SMYD3: variants seen among roughly 807,000 people sequenced by gnomAD.
The protein encoded by SMYD3 is histone-lysine N-methyltransferase SMYD3.
SMYD3 carries 36 observed loss-of-function variants against 57.7 expected under a neutral mutation model. That is an observed-to-expected ratio of 0.62 (90% CI 0.48 to 0.82). The LOEUF (loss-of-function observed/expected upper bound fraction) is 0.82. Ranked by LOEUF, SMYD3 falls within the 40% of genes least tolerant of loss-of-function variation. The pLI is 0.00. For missense variants in SMYD3, 515 were observed against 538.8 expected (o/e 0.96, Z 0.44); for synonymous variants, 211 against 195.0 (o/e 1.08, Z -0.68).
intron 5 of SMYD3, among the ~76,000 whole-genome samples, chr1:246,103,480 C>T (rs2061056552): frequency 6.6e-6 from 1 of 151,972 alleles, no homozygotes; most frequent in African/African-American, 2.4e-5. Flanking sequence ...CCTGGCCCCC[C>T]ATCTCTTCCC....
At chr1:245,763,186 A>T (rs543804347) in intron 11 of SMYD3, among the ~76,000 whole-genome samples, 22 of 152,308 alleles carry the variant, frequency 1.4e-4, no homozygotes, top group Admixed American at 5.2e-4. Flanking sequence ...CCAGAACCGT[A>T]TTCACTGACC....
chr1:246,281,219 G>A (rs561587861), intron 5 of SMYD3, among the ~76,000 whole-genome samples: 3 of 152,326 alleles, frequency 2.0e-5, no homozygotes, highest in East Asian at 3.9e-4. Context: ...CATTCAGCCC[G>A]TGGTAGAGCC....
intron 5 of SMYD3, among the ~76,000 whole-genome samples, chr1:246,018,722 C>T (rs187420981): frequency 6.6e-6 from 1 of 151,670 alleles, no homozygotes; most frequent in African/African-American, 2.4e-5. Context: ...CTTCCTGCCA[C>T]AGCCTCCCAA....
chr1:246,243,949 T>G (rs2063659391), intron 5 of SMYD3, among the ~76,000 whole-genome samples: 1 of 150,778 alleles, frequency 6.6e-6, no homozygotes, highest in Non-Finnish European at 1.5e-5. Flanking sequence ...GTGGCAAATG[T>G]CTATAGTCCC....
In SMYD3 at chr1:245,761,474, G is replaced by A. The variant is rs577436540; in HGVS notation, c.1185+2567C>T. 1.9e-4 allele frequency among the ~76,000 whole-genome samples: 29 copies of A among 152,308 alleles called. 1 individual carries two copies. In the South Asian group the frequency reaches 5.0e-3, roughly 26 times the overall value. ...CATAGCGAGATGTCTGTCTGGGTTT[G>A]TTCAGGCTTGTCCTTATAGTTGAGG... On this transcript the variant is annotated intron_variant, in intron 11 of 11. Transcript: ENST00000490107.
chr1:246,053,482 T>C (rs1285252956), intron 5 of SMYD3, among the ~76,000 whole-genome samples: 1 of 151,986 alleles, frequency 6.6e-6, no homozygotes, highest in Non-Finnish European at 1.5e-5. Context: ...AAGGATAGAA[T>C]AGTGAGTCCA....
intron 5 of SMYD3, among the ~76,000 whole-genome samples, chr1:245,968,702 A>G (rs1390067276): frequency 6.6e-6 from 1 of 152,184 alleles, no homozygotes; most frequent in Non-Finnish European, 1.5e-5. Flanking sequence ...TTTCTCCTCT[A>G]TACAATGGAC....
intron 1 of SMYD3, among the ~76,000 whole-genome samples, chr1:246,395,588 G>A (rs111344495): frequency 6.4e-4 from 82 of 127,594 alleles, no homozygotes; most frequent in Middle Eastern, 4.0e-3. Context: ...GGACCCCCAC[G>A]GTCAGACAGG....
chr1:245,929,578 G>A (rs77803814), intron 6 of SMYD3, among the ~76,000 whole-genome samples: 8,175 of 152,232 alleles, frequency 0.054, 712 homozygotes, highest in African/African-American at 0.18. Context: ...AAATCAGCCC[G>A]ATGGTTAATT....
intron 1 of SMYD3, among the ~76,000 whole-genome samples, chr1:246,408,710 C>T (rs535622170): frequency 3.4e-5 from 5 of 146,682 alleles, no homozygotes; most frequent in Admixed American, 2.0e-4. Context: ...AGCTCTCTCA[C>T]CCAGGCTGGA....
chr1:246,506,987 A>ACCCCCCCCCCCCCCCCCCCC (rs2068551769), intron 1 of SMYD3, 67 bp downstream of exon 1: 3 of 634,728 alleles, frequency 4.7e-6, no homozygotes, highest in Non-Finnish European at 4.4e-6. Context: ...CGGCCGCCCG[A>ACCCCCCCCCCCCCCCCCCCC]CGCCCCCCCC....
intron 5 of SMYD3, among the ~76,000 whole-genome samples, chr1:246,235,337 C>T (rs1446084311): frequency 1.8e-4 from 28 of 152,218 alleles, no homozygotes; most frequent in Non-Finnish European, 1.5e-5. Flanking sequence ...ATATAAATAA[C>T]ACATCAGCTT....
At chr1:245,963,058 G>C (rs951188205) in intron 5 of SMYD3, among the ~76,000 whole-genome samples, 3 of 152,086 alleles carry the variant, frequency 2.0e-5, no homozygotes, top group Non-Finnish European at 4.4e-5. Context: ...AACAGGATGA[G>C]ACTTCTGGCT....
At position 246,102,695 on chromosome 1, in the gene SMYD3, G is replaced by A. The variant is rs138490795; in HGVS notation, c.532-172758C>T. Among the ~76,000 whole-genome samples the A allele has an allele frequency of 7.2e-3, 1,086 of 151,774 alleles. 10 individuals are homozygous for A. Among genetic ancestry groups the A allele is most frequent in the South Asian group, 0.033 (156 of 4,776 alleles). On this transcript the variant is annotated intron_variant, in intron 5 of 11. Coordinates refer to ENST00000490107, the MANE Select transcript of SMYD3 (RefSeq NM_001167740.2). Reference sequence around the variant, plus strand: ...GGCTGAGGCAGGAGGATTGCTTGAGGCCATGAGTTGGAGACTGGCCTGGCC... The same window carrying A: ...GGCTGAGGCAGGAGGATTGCTTGAGACCATGAGTTGGAGACTGGCCTGGCC...
intron 5 of SMYD3, among the ~76,000 whole-genome samples, chr1:246,154,077 G>A (rs993059768): frequency 6.6e-6 from 1 of 152,104 alleles, no homozygotes; most frequent in Admixed American, 6.5e-5. Context: ...TCATTACACT[G>A]CAAGTTTACT....
At chr1:246,211,310 C>T (rs1187922577) in intron 5 of SMYD3, among the ~76,000 whole-genome samples, 9 of 152,086 alleles carry the variant, frequency 5.9e-5, no homozygotes, top group Admixed American at 5.9e-4. Flanking sequence ...ATATGAAAGT[C>T]GTTAGCATGA....
chr1:246,412,198 T>G (rs2066986961), intron 1 of SMYD3, among the ~76,000 whole-genome samples: 1 of 152,220 alleles, frequency 6.6e-6, no homozygotes, highest in African/African-American at 2.4e-5. Flanking sequence ...CACAATTCCT[T>G]GAGTAGTTCC....
intron 5 of SMYD3, among the ~76,000 whole-genome samples, chr1:246,056,720 T>TCG (rs1228046983): frequency 6.8e-6 from 1 of 147,320 alleles, no homozygotes; most frequent in East Asian, 1.9e-4. Context: ...ATGCATTATA[T>TCG]ACATGTATCG....
intron 5 of SMYD3, among the ~76,000 whole-genome samples, chr1:246,033,560 C>T (rs772276599): frequency 1.1e-4 from 17 of 152,118 alleles, no homozygotes; most frequent in South Asian, 2.1e-4. Flanking sequence ...CCGAGGCAGG[C>T]GGATCACGTG....
Sources: gnomAD v4.1 joint callset for allele counts (sites outside exome capture counted in the v4.1 genomes callset) on GRCh38, gnomAD v4.1.1 for gene constraint, MANE v1.5 for transcripts, NCBI Gene and HGNC (gene_info 2026-07-23, HGNC 2026-07-21) for gene names.